The following SLC9A7 variants were observed in gnomAD, a reference collection of about 807,000 sequenced individuals.
The protein encoded by SLC9A7 is solute carrier family 9 member A7.
In SLC9A7, 19 loss-of-function variants were observed where a neutral mutation model predicts 52.6. The observed-to-expected ratio is 0.36, with a 90% CI of 0.25 to 0.53. The LOEUF is 0.53. SLC9A7 is among the 20% of genes least tolerant of loss of function. SLC9A7 has a pLI of 0.91. For synonymous variants in SLC9A7, 226 were observed against 252.1 expected (o/e 0.90, Z 0.98); for missense variants, 455 against 597.9 (o/e 0.76, Z 2.49).
chrX:46,636,206 T>C (rs1943316667), intron 12 of SLC9A7, among the ~76,000 whole-genome samples: 1 of 111,684 alleles, frequency 9.0e-6, no homozygotes, highest in Admixed American at 9.5e-5. Flanking sequence ...CAACTTCTGC[T>C]ATTCTCTTTA....
intron 6 of SLC9A7, 52 bp from the exon 7 acceptor site, chrX:46,662,209 T>C (rs577022708): frequency 4.6e-6 from 5 of 1,089,817 alleles, no homozygotes; most frequent in Non-Finnish European, 6.2e-6. Flanking sequence ...GGTTTTACAC[T>C]ATGGTACTTG....
At chrX:46,615,076 C>T (rs1469966302) in intron 15 of SLC9A7, among the ~76,000 whole-genome samples, 7 of 112,256 alleles carry the variant, frequency 6.2e-5, no homozygotes, top group African/African-American at 1.9e-4. Flanking sequence ...CGGAGTCTCG[C>T]TCTGTTGCCA....
intron 14 of SLC9A7, 115 bp from the exon 15 acceptor site, chrX:46,621,174 C>T: frequency 4.7e-6 from 2 of 421,316 alleles, no homozygotes; most frequent in South Asian, 1.0e-4. Flanking sequence ...TCAAACATCC[C>T]ATGTCAGCAA....
At position 46,599,581 on chromosome X, in the gene SLC9A7, A is replaced by G. The variant is rs985571133; in HGVS notation, c.*7371T>C. On this transcript the variant is annotated 3_prime_UTR_variant, in exon 17 of 17. Coordinates refer to ENST00000616978, the MANE Select transcript of SLC9A7 (RefSeq NM_001257291.2). ...CAGGAACACACATGGCTAGCTTTAC[A>G]ATAGCAATCTAAACATACACAAAGG... The G allele has an allele frequency of 2.3e-4, 26 of 112,283 alleles. No homozygotes were observed. The highest frequency in any genetic ancestry group is 8.4e-4 in the African/African-American group (26 of 30,906). 9.3% of individuals were successfully genotyped at this position (112,283 alleles called of 1,213,427 possible).
At position 46,643,279 on chromosome X, in the gene SLC9A7, T is replaced by A. The variant is rs1183911168; in HGVS notation, c.1573A>T (p.Ile525Phe). The A allele has an allele frequency of 8.3e-7, 1 of 1,208,580 alleles. No individual in the cohort carries two copies. Among genetic ancestry groups the A allele is most frequent in the Non-Finnish European group, 1.1e-6 (1 of 894,314 alleles). The stretch of plus-strand genomic sequence containing the variant: ...AACATGGGTGTCGTGCCTCCTCCAA[T>A]GATCCAGACAGTGAAGAACACAATG... Reference protein sequence around the residue: ...LLIVFFTVWIIGGGTTPMLSW... With the variant: ...LLIVFFTVWIFGGGTTPMLSW... Residue 525 changes from isoleucine (I) to phenylalanine (F), a missense_variant, in exon 12 of 17, where the codon ATT becomes TTT. Around this residue, in one of 3 missense-constraint regions of SLC9A7, gnomAD observed 5 missense variants for 19.6 expected, o/e 0.25. Transcript: ENST00000616978.
chrX:46,745,956 A>C (rs1403553112), intron 1 of SLC9A7, among the ~76,000 whole-genome samples: 2 of 110,861 alleles, frequency 1.8e-5, no homozygotes, highest in Admixed American at 9.7e-5. Context: ...TATAAAAAAG[A>C]AGCATTAGAA....
chrX:46,635,467 A>G (rs988858564), intron 13 of SLC9A7, 122 bp downstream of exon 13: 2 of 526,285 alleles, frequency 3.8e-6, no homozygotes, highest in Non-Finnish European at 6.3e-6. Flanking sequence ...CACCTTTACT[A>G]AAAGTGGGGG....
intron 5 of SLC9A7, among the ~76,000 whole-genome samples, chrX:46,667,561 A>C (rs1257568380): frequency 8.9e-6 from 1 of 111,973 alleles, no homozygotes; most frequent in African/African-American, 3.2e-5. Flanking sequence ...CTCAAAAGCC[A>C]CATGTGGCTA....
At chrX:46,633,124 C>G (rs1012149114) in intron 13 of SLC9A7, among the ~76,000 whole-genome samples, 1 of 107,435 alleles carries the variant, frequency 9.3e-6, no homozygotes, top group Non-Finnish European at 1.9e-5. Flanking sequence ...AAGTTCCGAC[C>G]TTCACGGCAG....
chrX:46,692,615 CAATTA>C (rs755149125), intron 1 of SLC9A7, among the ~76,000 whole-genome samples: 10 of 111,504 alleles, frequency 9.0e-5, no homozygotes, highest in African/African-American at 3.3e-4. Flanking sequence ...CTTGGGGAAC[CAATTA>C]AAGTACAGGT....
rs57016133 is a variant in SLC9A7 at position 46,673,355 on chromosome X, AACACACAC to A, written c.604-736_604-729del. ...ATTCATTGGTTACCTTAAAAATATA[AACACACAC>A]ACACACACACACACACACACGGATT... On this transcript the variant is annotated intron_variant, in intron 3 of 16. Transcript: ENST00000616978. 3.1e-3 allele frequency among the ~76,000 whole-genome samples: 316 copies of A among 102,635 alleles called. 2 individuals carry two copies. Among genetic ancestry groups the A allele is most frequent in the Middle Eastern group, 0.02 (4 of 199 alleles). The allele number at this position is 102,635 out of a possible 115,157, so 89.1% of individuals were successfully genotyped here.
intron 1 of SLC9A7, among the ~76,000 whole-genome samples, chrX:46,710,586 T>C (rs1404437879): frequency 9.1e-6 from 1 of 110,004 alleles, no homozygotes; most frequent in Non-Finnish European, 1.9e-5. Context: ...CCCAGTCCAT[T>C]CTGTGGAATC....
intron 15 of SLC9A7, among the ~76,000 whole-genome samples, chrX:46,617,081 C>T (rs1942965553): frequency 9.0e-6 from 1 of 111,312 alleles, no homozygotes; most frequent in African/African-American, 3.3e-5. Flanking sequence ...TGATTCTGAC[C>T]TCCATATCTT....
intron 15 of SLC9A7, among the ~76,000 whole-genome samples, chrX:46,619,318 T>C (rs2146694285): frequency 8.9e-6 from 1 of 112,040 alleles, no homozygotes. Context: ...CTGTGTAAAG[T>C]AGTACCACTA....
chrX:46,755,267 T>C (rs1230104053), intron 1 of SLC9A7, among the ~76,000 whole-genome samples: 2 of 110,248 alleles, frequency 1.8e-5, no homozygotes, highest in African/African-American at 6.6e-5. Flanking sequence ...TAATGTAACA[T>C]TGACTACTCT....
rs1409493092 is a variant in SLC9A7, at chrX:46,606,239, TAA to T, written c.*711_*712del. On this transcript the variant is annotated 3_prime_UTR_variant, in exon 17 of 17. Transcript: ENST00000616978. ...TCCTTTCCTCAGATTAATCAAAAAA[TAA>T]GAGTATAACACTATTTGCCTTTGGT... The T allele has an allele frequency of 1.3e-6, 1 of 743,889 alleles. No homozygotes were observed. Among genetic ancestry groups the T allele is most frequent in the Non-Finnish European group, 1.6e-6 (1 of 629,876 alleles). 61.3% of individuals were successfully genotyped at this position (743,889 alleles called of 1,213,427 possible). A position where few individuals can be genotyped will look rare whatever the true frequency, so the allele number is the denominator to read the frequency against.
In SLC9A7 at chrX:46,603,725, G is replaced by C. The variant is rs1942696136; in HGVS notation, c.*3227C>G. 9.0e-6 allele frequency: 1 copy of C among 111,680 alleles called. No homozygotes were observed. Among genetic ancestry groups the C allele is most frequent in the African/African-American group, 3.3e-5 (1 of 30,655 alleles). 9.2% of individuals were successfully genotyped at this position (111,680 alleles called of 1,213,427 possible). A position where few individuals can be genotyped will look rare whatever the true frequency, so the allele number is the denominator to read the frequency against. Reference sequence around the variant, plus strand: ...GTGGTGGCATGTGCCTGTAATCCCAGCTACTCGGGAGGCTGAGGTAGGAGA... The same window carrying C: ...GTGGTGGCATGTGCCTGTAATCCCACCTACTCGGGAGGCTGAGGTAGGAGA... On this transcript the variant is annotated 3_prime_UTR_variant, in exon 17 of 17. Transcript: ENST00000616978.
chrX:46,700,350 T>C, intron 1 of SLC9A7, among the ~76,000 whole-genome samples: 1 of 112,214 alleles, frequency 8.9e-6, no homozygotes, highest in East Asian at 2.8e-4. Flanking sequence ...ATTAAACTTA[T>C]TAATCAAATC....
intron 15 of SLC9A7, among the ~76,000 whole-genome samples, chrX:46,619,057 TAAGA>T (rs903260402): frequency 4.5e-5 from 5 of 111,451 alleles, no homozygotes; most frequent in African/African-American, 1.6e-4. Context: ...TACAAATCAG[TAAGA>T]AAAAGGCAGA....
Sources: gnomAD v4.1 joint callset for allele counts (sites outside exome capture counted in the v4.1 genomes callset) on GRCh38, gnomAD v4.1.1 for gene constraint, gnomAD v4.1.1 regional missense constraint, MANE v1.5 for transcripts, NCBI Gene and HGNC (gene_info 2026-07-23, HGNC 2026-07-21) for gene names.